PPFIBP2: variants seen among roughly 807,000 people sequenced by gnomAD.
PPFIBP2 encodes the protein PPFIB scaffold protein 2.
PPFIBP2 carries 118 observed loss-of-function variants against 118.3 expected under a neutral mutation model. The ratio of observed to expected loss-of-function variants is 1.00; its 90% CI spans 0.86 to 1.16. The LOEUF is 1.16. PPFIBP2 is among the 50% of genes most tolerant of loss of function. The pLI is 0.00. For synonymous variants in PPFIBP2, 414 were observed against 397.4 expected (o/e 1.04, Z -0.50); for missense variants, 1,195 against 1,073.1 (o/e 1.11, Z -1.59).
In PPFIBP2 at chr11:7,551,383, TCTG is replaced by T. The variant is rs1160466432; in HGVS notation, c.64+1850_64+1852del. On this transcript the variant is annotated intron_variant, in intron 2 of 23. Transcript: ENST00000299492. ...TACTATCTTTTCTCTACGTATTATC[TCTG>T]CTGCTTTGTCAAAGGTCATTTGATT... Among the ~76,000 whole-genome samples, 35 of 152,348 alleles carry T rather than the reference TCTG, an allele frequency of 2.3e-4. No individual in the cohort carries two copies. The East Asian group carries it at 6.8e-3, about 29-fold the overall frequency.
At chr11:7,541,505 G>A (rs1286939166) in intron 1 of PPFIBP2, among the ~76,000 whole-genome samples, 1 of 152,144 alleles carries the variant, frequency 6.6e-6, no homozygotes, top group Admixed American at 6.5e-5. Flanking sequence ...TCGCTTATGG[G>A]TGCCACTCTC....
At position 7,549,471 on chromosome 11, in the gene PPFIBP2, G is replaced by T. The variant is rs1390937344; in HGVS notation, c.-5G>T. On this transcript the variant is annotated 5_prime_UTR_variant, in exon 2 of 24. Coordinates refer to ENST00000299492, the MANE Select transcript of PPFIBP2 (RefSeq NM_003621.5). ...GAGGAGGAGGCCAGGCAGGCAAAAG[G>T]AGTCATGGCTTCTGATGCTAGTCAT... 6.4e-7 allele frequency: 1 copy of T among 1,559,144 alleles called. No individual in the cohort carries two copies. The highest frequency in any genetic ancestry group is 2.4e-5 in the East Asian group (1 of 41,402).
At chr11:7,661,000 G>T (rs1300600764), downstream of PPFIBP2, among the ~76,000 whole-genome samples, 4 of 151,672 alleles carry the variant, frequency 2.6e-5, no homozygotes, top group South Asian at 2.1e-4. Flanking sequence ...GATATCCCCT[G>T]TATCATTTTT....
intron 2 of PPFIBP2, among the ~76,000 whole-genome samples, chr11:7,560,236 A>T (rs1242153514): frequency 6.6e-6 from 1 of 152,222 alleles, no homozygotes; most frequent in Non-Finnish European, 1.5e-5. Context: ...ATTCTTCCAT[A>T]TTGTCTAGCA....
intron 6 of PPFIBP2, chr11:7,617,237 C>A: frequency 2.0e-6 from 2 of 985,414 alleles, no homozygotes; most frequent in Non-Finnish European, 2.4e-6. Context: ...CGGCCAGCGA[C>A]GGTGTGGCCG....
At chr11:7,634,352 A>G in intron 12 of PPFIBP2, 143 bp from the exon 13 acceptor site, 1 of 654,964 alleles carries the variant, frequency 1.5e-6, no homozygotes, top group Non-Finnish European at 2.7e-6. Context: ...TTGTATGTAA[A>G]GGCTATTATG....
In PPFIBP2 at chr11:7,651,962, T is replaced by C. The variant is rs1267106547; in HGVS notation, c.2436+118T>C. On this transcript the variant is annotated intron_variant, in intron 23 of 23. Coordinates refer to ENST00000299492, the MANE Select transcript of PPFIBP2 (RefSeq NM_003621.5). ...ATGCGCAGCCTGGACAAAGAGGATC[T>C]TTCAGCTTCTGCTGTGGGCTTGTGG... 3.9e-6 allele frequency: 4 copies of C among 1,012,748 alleles called. No individual in the cohort carries two copies. In the East Asian group the frequency reaches 1.0e-4, roughly 25 times the overall value. The allele number at this position is 1,012,748 out of a possible 1,614,324, so 62.7% of individuals were successfully genotyped here. A position where few individuals can be genotyped will look rare whatever the true frequency, so the allele number is the denominator to read the frequency against.
At chr11:7,638,774 G>T (rs1851756365) in intron 14 of PPFIBP2, among the ~76,000 whole-genome samples, 1 of 152,200 alleles carries the variant, frequency 6.6e-6, no homozygotes, top group South Asian at 2.1e-4. Context: ...CAGGTTTGCA[G>T]ATTAAGAGAG....
intron 8 of PPFIBP2, among the ~76,000 whole-genome samples, chr11:7,626,205 C>T: frequency 6.6e-6 from 1 of 152,130 alleles, no homozygotes; most frequent in Non-Finnish European, 1.5e-5. Flanking sequence ...GTAGGAAATA[C>T]CTAACTCTTT....
chr11:7,538,899 T>C (rs1213460460), intron 1 of PPFIBP2, among the ~76,000 whole-genome samples: 1 of 152,128 alleles, frequency 6.6e-6, no homozygotes, highest in African/African-American at 2.4e-5. Context: ...AACTGACTAA[T>C]CAGAACAGCC....
At chr11:7,629,599 G>A in intron 10 of PPFIBP2, 65 bp downstream of exon 10, 1 of 1,498,540 alleles carries the variant, frequency 6.7e-7, no homozygotes, top group Non-Finnish European at 9.3e-7. Flanking sequence ...TTAAAGCCAG[G>A]GGCAGTTCTG....
intron 3 of PPFIBP2, among the ~76,000 whole-genome samples, chr11:7,568,220 A>G (rs987999383): frequency 1.3e-5 from 2 of 152,240 alleles, no homozygotes; most frequent in Non-Finnish European, 2.9e-5. Context: ...ATAACAAGAT[A>G]GACCACTAAC....
intron 5 of PPFIBP2, among the ~76,000 whole-genome samples, chr11:7,599,641 T>TC (rs199956767): frequency 0.028 from 4,188 of 151,072 alleles, 213 homozygotes; most frequent in African/African-American, 0.096. Flanking sequence ...TTTTTTTTTT[T>TC]TTTTTTTGAG....
At chr11:7,664,664 GC>G in the PPFIBP2 span, among the ~76,000 whole-genome samples, 1 of 152,236 alleles carries the variant, frequency 6.6e-6, no homozygotes, top group Non-Finnish European at 1.5e-5. Flanking sequence ...GTCGGCAGGA[GC>G]AAACCAAGAA....
chr11:7,660,282 G>C (rs893426937), downstream of PPFIBP2, among the ~76,000 whole-genome samples: 9 of 122,462 alleles, frequency 7.3e-5, 1 homozygote, highest in African/African-American at 2.3e-4. Context: ...ATTGGCTGTG[G>C]GTTTGTCATA....
intron 5 of PPFIBP2, chr11:7,606,015 A>G (rs1230859316): frequency 1.3e-6 from 2 of 1,534,338 alleles, no homozygotes; most frequent in Middle Eastern, 1.7e-4. Flanking sequence ...GTGCGCCTAA[A>G]GTAGGTAGAA....
intron 7 of PPFIBP2, among the ~76,000 whole-genome samples, chr11:7,623,635 G>A (rs1191417892): frequency 2.0e-5 from 3 of 152,162 alleles, no homozygotes; most frequent in African/African-American, 4.8e-5. Flanking sequence ...ATAGTGCCAC[G>A]TGCTAGATTC....
At chr11:7,656,469 C>T (rs576041620), downstream of PPFIBP2, among the ~76,000 whole-genome samples, 7 of 152,308 alleles carry the variant, frequency 4.6e-5, no homozygotes, top group African/African-American at 1.2e-4. Flanking sequence ...AGGAATCTGC[C>T]CACACTTGCC....
intron 4 of PPFIBP2, among the ~76,000 whole-genome samples, chr11:7,595,332 G>C (rs1346760801): frequency 1.3e-5 from 2 of 152,212 alleles, no homozygotes; most frequent in Non-Finnish European, 2.9e-5. Flanking sequence ...ATTAATGAAA[G>C]AGTATCCAAT....
Sources: gnomAD v4.1 joint callset for allele counts (sites outside exome capture counted in the v4.1 genomes callset) on GRCh38, gnomAD v4.1.1 for gene constraint, MANE v1.5 for transcripts, NCBI Gene and HGNC (gene_info 2026-07-23, HGNC 2026-07-21) for gene names.